Variants in PDGFRB observed in about 807,000 individuals in gnomAD.
PDGFRB encodes the protein platelet derived growth factor receptor beta.
Under a neutral mutation model 120.2 loss-of-function variants are expected in PDGFRB, and 42 were observed. That is an observed-to-expected ratio of 0.35 (90% confidence interval 0.27 to 0.45). The LOEUF is 0.45. PDGFRB is among the 20% of genes least tolerant of loss of function. PDGFRB has a pLI of 1.00. For missense variants in PDGFRB, 1,149 were observed against 1,476.3 expected (o/e 0.78, Z 3.63); for synonymous variants, 586 against 606.8 (o/e 0.97, Z 0.50).
At chr5:150,133,023 G>A in intron 6 of PDGFRB, 81 bp from the exon 7 acceptor site, 1 of 990,462 alleles carries the variant, frequency 1.0e-6, no homozygotes, top group Non-Finnish European at 1.5e-6. Context: ...CTGTGGGGTG[G>A]GGCTTCAGGC....
rs568575175 is a variant in PDGFRB, at chr5:150,114,880, A to G, written c.*883T>C. The G allele has an allele frequency of 2.1e-5, 5 of 233,456 alleles. No homozygotes were observed. The East Asian group carries it at 2.4e-4, about 11-fold the overall frequency. The allele number at this position is 233,456 out of a possible 1,614,324, so 14.5% of individuals were successfully genotyped here. A position where few individuals can be genotyped will look rare whatever the true frequency, so the allele number is the denominator to read the frequency against. On this transcript the variant is annotated 3_prime_UTR_variant, in exon 23 of 23. Transcript: ENST00000261799. ...CCTCCAAAGCCTCATAGCAGGTCCAATGCAGAGCCAGGGCCATATACTGGC... is the reference window on the plus strand; with the variant it reads ...CCTCCAAAGCCTCATAGCAGGTCCAGTGCAGAGCCAGGGCCATATACTGGC...
chr5:150,133,772 G>A lies in PDGFRB; in HGVS notation c.760-12C>T, dbSNP rs559835035. 3.5e-5 allele frequency: 56 copies of A among 1,613,612 alleles called. No individual in the cohort carries two copies. The highest frequency in any genetic ancestry group is 4.1e-5 in the Non-Finnish European group (48 of 1,179,554). ...ACCAGCCGCCCACTCTGCAGCAACA[G>A]GTTGGGCAGGCCCCCCAAATCAGGA... On this transcript the variant is annotated splice_polypyrimidine_tract_variant and intron_variant, in intron 5 of 22. Coordinates refer to ENST00000261799, the MANE Select transcript of PDGFRB (RefSeq NM_002609.4).
rs370594710 is a variant in PDGFRB, at chr5:150,117,836, C to T, written c.2919G>A (p.Val973=). 19 of 1,607,948 alleles carry T rather than the reference C, an allele frequency of 1.2e-5. No homozygotes were observed. Among genetic ancestry groups the T allele is most frequent in the African/African-American group, 8.0e-5 (6 of 74,794 alleles). Residue 973 remains valine (V), a synonymous_variant, in exon 22 of 23, where the codon GTG becomes GTA. Transcript: ENST00000261799. ...GGTCACTCCTCAGAAACTCCTCATC[C>T]ACCTGCTGGTACTTCTGCTCCCGGG... ...GEGYKKKYQQ[V]DEEFLRSDHP... is the part of the protein sequence containing the mutation.
Position 150,114,681 on chromosome 5 carries a change from C to G in PDGFRB, c.*1082G>C, listed in dbSNP as rs1336287363. On this transcript the variant is annotated 3_prime_UTR_variant, in exon 23 of 23. Transcript: ENST00000261799. The stretch of plus-strand genomic sequence containing the variant: ...TGTGTGATCTGGAATCTCCCAGGAG[C>G]CCAGCTGACCCCCAGGATGGAAGTT... 4.3e-6 allele frequency: 1 copy of G among 232,776 alleles called. No homozygotes were observed. Among genetic ancestry groups the G allele is most frequent in the Non-Finnish European group, 8.5e-6 (1 of 117,994 alleles). 14.4% of individuals were successfully genotyped at this position (232,776 alleles called of 1,614,324 possible).
intron 1 of PDGFRB, among the ~76,000 whole-genome samples, chr5:150,154,216 A>T (rs1305642443): frequency 6.6e-6 from 1 of 152,160 alleles, no homozygotes; most frequent in East Asian, 1.9e-4. Flanking sequence ...GAGGAAGGGC[A>T]TTCCAGAAAG....
Position 150,123,216 on chromosome 5 carries a change from G to T in PDGFRB, c.2024-15C>A. ...ATAGATGGGTCCTGCAGAGGGACAGGCTCAGGGACAGTCCCTATGGAGGCC... is the reference window on the plus strand; with the variant it reads ...ATAGATGGGTCCTGCAGAGGGACAGTCTCAGGGACAGTCCCTATGGAGGCC... On this transcript the variant is annotated splice_polypyrimidine_tract_variant and intron_variant, in intron 14 of 22. Transcript: ENST00000261799. 6.2e-7 allele frequency: 1 copy of T among 1,607,020 alleles called. No homozygotes were observed.
rs754337068 is a variant in PDGFRB, at chr5:150,114,511, G to A, written c.*1252C>T. 3.9e-5 allele frequency: 9 copies of A among 233,286 alleles called. No individual in the cohort carries two copies. Among genetic ancestry groups the A allele is most frequent in the South Asian group, 1.8e-4 (1 of 5,528 alleles). 14.5% of individuals were successfully genotyped at this position (233,286 alleles called of 1,614,324 possible). On this transcript the variant is annotated 3_prime_UTR_variant, in exon 23 of 23. Coordinates refer to ENST00000261799, the MANE Select transcript of PDGFRB (RefSeq NM_002609.4). Reference sequence around the variant, plus strand: ...CATCGTGGGTAGTGAAAGAGGTCCCGTGGTCTTCCCATGTCCCTGGGGCAG... The same window carrying A: ...CATCGTGGGTAGTGAAAGAGGTCCCATGGTCTTCCCATGTCCCTGGGGCAG...
chr5:150,146,526 G>A (rs554867168), intron 1 of PDGFRB, among the ~76,000 whole-genome samples: 3 of 152,140 alleles, frequency 2.0e-5, no homozygotes, highest in African/African-American at 7.2e-5. Flanking sequence ...ACTCAGGCCG[G>A]CCTGACTCCA....
At position 150,125,522 on chromosome 5, in the gene PDGFRB, T is replaced by C; in HGVS notation, c.1730A>G (p.His577Arg). 1 of 1,613,878 alleles carries C rather than the reference T, an allele frequency of 6.2e-7. No homozygotes were observed. The highest frequency in any genetic ancestry group is 8.5e-7 in the Non-Finnish European group (1 of 1,179,816). ...KVIESVSSDG[H>R]EYIYVDPMQL... ...CATGGGGTCCACGTAGATGTACTCATGGCCGTCAGAGCTCACAGACTCAAT... is the reference window on the plus strand; with the variant it reads ...CATGGGGTCCACGTAGATGTACTCACGGCCGTCAGAGCTCACAGACTCAAT... Residue 577 changes from histidine to arginine, a missense_variant, in exon 12 of 23, where the codon CAT becomes CGT. By Grantham distance (29) the His-to-Arg change is conservative. This residue lies in a region of PDGFRB where 879 missense variants were observed against 1,108.6 expected (regional missense o/e 0.79). Transcript: ENST00000261799.
At chr5:150,124,625 G>A in intron 13 of PDGFRB, 102 bp downstream of exon 13, 1 of 645,698 alleles carries the variant, frequency 1.5e-6, no homozygotes, top group South Asian at 1.9e-5. Flanking sequence ...CCCCTCTAGT[G>A]CCTGCAAATC....
intron 1 of PDGFRB, among the ~76,000 whole-genome samples, chr5:150,142,461 G>T (rs1253967677): frequency 6.6e-6 from 1 of 152,224 alleles, no homozygotes; most frequent in African/African-American, 2.4e-5. Context: ...TTGCTAAGTT[G>T]TTGGGAGAAG....
intron 1 of PDGFRB, among the ~76,000 whole-genome samples, chr5:150,143,142 G>T (rs1168488307): frequency 2.0e-5 from 3 of 152,146 alleles, no homozygotes; most frequent in African/African-American, 7.2e-5. Context: ...GGGACAGACA[G>T]GACAGTGCAA....
chr5:150,147,795 A>C (rs888674483), intron 1 of PDGFRB, among the ~76,000 whole-genome samples: 3 of 152,280 alleles, frequency 2.0e-5, no homozygotes, highest in Non-Finnish European at 4.4e-5. Flanking sequence ...ATTGGGGCTC[A>C]TCACTGGGTT....
At chr5:150,136,921 C>T (rs2113914317) in intron 2 of PDGFRB, 87 bp downstream of exon 2, 11 of 1,034,122 alleles carry the variant, frequency 1.1e-5, no homozygotes, top group Middle Eastern at 2.5e-4. Context: ...GCTTCACGCC[C>T]TGCCACCAGC....
rs368231732 is a variant in PDGFRB at position 150,133,990 on chromosome 5, G to C, written c.650C>G (p.Ser217Cys). ...YRLQVSSINV[S>C]VNAVQTVVRQ... ...GACCACAGTCTGCACTGCGTTCACA[G>C]AGACGTTGATGGATGACACTGGTAG... is the stretch of plus-strand genomic sequence containing the variant. Residue 217 changes from serine to cysteine, a missense_variant, in exon 5 of 23, where the codon TCT becomes TGT. By Grantham distance (112) the Ser-to-Cys change is moderately radical. Transcript: ENST00000261799. 1 of 1,614,004 alleles carries C rather than the reference G, an allele frequency of 6.2e-7. No homozygotes were observed. The highest frequency in any genetic ancestry group is 1.3e-5 in the African/African-American group (1 of 74,940).
intron 1 of PDGFRB, among the ~76,000 whole-genome samples, chr5:150,138,076 C>T (rs1760688432): frequency 3.3e-5 from 5 of 152,178 alleles, no homozygotes; most frequent in Admixed American, 3.3e-4. Context: ...TTGCTCTCCT[C>T]TATCTTGGAA....
chr5:150,121,862 G>T lies in PDGFRB; in HGVS notation c.2344+18C>A, dbSNP rs760604614. The stretch of plus-strand genomic sequence containing the variant: ...AGCCTGTTTGGATGTGGGGTACTAT[G>T]TCACTATGTCCACCCACCAGAGGGA... On this transcript the variant is annotated intron_variant, in intron 16 of 22. Transcript: ENST00000261799. This position sits in a 1 kb window ranked among gnomAD's most constrained non-coding sequence, Gnocchi z 4.1. 4 of 1,592,372 alleles carry T rather than the reference G, an allele frequency of 2.5e-6. No individual in the cohort carries two copies. Among genetic ancestry groups the T allele is most frequent in the Non-Finnish European group, 3.4e-6 (4 of 1,160,662 alleles).
At position 150,133,623 on chromosome 5, in the gene PDGFRB, G is replaced by T. The variant is rs1465274173; in HGVS notation, c.897C>A (p.Asp299Glu). 3.1e-6 allele frequency: 5 copies of T among 1,613,958 alleles called. No homozygotes were observed. In the Admixed American group the frequency reaches 8.3e-5, roughly 27 times the overall value. ...TGTTGATGGCCTTTTCATCCTGATG[G>T]TCATTCACACTCTCCGTCACATTGC... ...YTCNVTESVN[D>E]HQDEKAINIT... The change falls in exon 6 of 23, where the codon GAC becomes GAA. Residue 299 changes from aspartate to glutamate, a missense_variant. Coordinates refer to ENST00000261799, the MANE Select transcript of PDGFRB (RefSeq NM_002609.4).
intron 1 of PDGFRB, among the ~76,000 whole-genome samples, chr5:150,142,195 A>G (rs995030382): frequency 3.3e-5 from 5 of 152,124 alleles, no homozygotes; most frequent in Non-Finnish European, 7.4e-5. Flanking sequence ...AAGAGGGCCC[A>G]TTGTTTTGGC....
Sources: gnomAD v4.1 joint callset for allele counts (sites outside exome capture counted in the v4.1 genomes callset) on GRCh38, gnomAD v4.1.1 for gene constraint, gnomAD v4.1.1 regional missense constraint, Gnocchi (gnomAD v3.1) non-coding constraint, MANE v1.5 for transcripts, NCBI Gene and HGNC (gene_info 2026-07-23, HGNC 2026-07-21) for gene names.